EFNA5: variants seen among roughly 807,000 people sequenced by gnomAD.
EFNA5 encodes the protein ephrin A5.
EFNA5 carries 5 observed loss-of-function variants against 22.9 expected under a neutral mutation model. That is an observed-to-expected ratio of 0.22 (90% CI 0.11 to 0.46). The LOEUF (loss-of-function observed/expected upper bound fraction) is 0.46, where lower values mean the gene tolerates loss of function less well. Among genes scored for constraint, EFNA5 ranks in the 20% least tolerant of loss-of-function variants. EFNA5 has a pLI of 0.99. For synonymous variants in EFNA5, 113 were observed against 112.2 expected (o/e 1.01, Z -0.04); for missense variants, 237 against 293.3 (o/e 0.81, Z 1.40).
At chr5:107,428,201 TA>T (rs1748855146) in intron 1 of EFNA5, among the ~76,000 whole-genome samples, 1 of 152,208 alleles carries the variant, frequency 6.6e-6, no homozygotes, top group South Asian at 2.1e-4. Context: ...GTCAGAAACT[TA>T]TTTTAGTGCA....
intron 1 of EFNA5, among the ~76,000 whole-genome samples, chr5:107,592,357 T>C (rs1749388733): frequency 6.6e-6 from 1 of 151,892 alleles, no homozygotes; most frequent in Non-Finnish European, 1.5e-5. Context: ...TTTTGGTATA[T>C]AAATTTGACC....
chr5:107,417,203 A>G (rs1289390891), intron 2 of EFNA5, among the ~76,000 whole-genome samples: 1 of 152,230 alleles, frequency 6.6e-6, no homozygotes, highest in Non-Finnish European at 1.5e-5. Flanking sequence ...AGATAAAGCT[A>G]GTTGGAAATA....
chr5:107,654,009 T>C (rs1580583952), intron 1 of EFNA5, among the ~76,000 whole-genome samples: 2 of 152,146 alleles, frequency 1.3e-5, no homozygotes, highest in Non-Finnish European at 2.9e-5. Flanking sequence ...AATGAAGTTG[T>C]GATTACCAAA....
intron 2 of EFNA5, among the ~76,000 whole-genome samples, chr5:107,394,517 A>G (rs1747869414): frequency 6.6e-6 from 1 of 152,236 alleles, no homozygotes; most frequent in South Asian, 2.1e-4. Context: ...TTTTAACACC[A>G]GGGAACTGTA....
chr5:107,591,197 C>T (rs573369317), intron 1 of EFNA5, among the ~76,000 whole-genome samples: 6 of 152,274 alleles, frequency 3.9e-5, no homozygotes, highest in East Asian at 3.9e-4. Context: ...GTATCTTACA[C>T]GGCTGGCACA....
intron 1 of EFNA5, among the ~76,000 whole-genome samples, chr5:107,541,366 T>C (rs938263375): frequency 6.6e-6 from 1 of 152,216 alleles, no homozygotes; most frequent in Non-Finnish European, 1.5e-5. Context: ...TACTTTTAAC[T>C]CATTAGAATT....
intron 4 of EFNA5, among the ~76,000 whole-genome samples, chr5:107,381,748 G>A (rs991077487): frequency 6.6e-6 from 1 of 152,100 alleles, no homozygotes; most frequent in African/African-American, 2.4e-5. Flanking sequence ...TGACATGTTG[G>A]TGGGGGTGGG....
intron 1 of EFNA5, among the ~76,000 whole-genome samples, chr5:107,647,065 G>C (rs1185634656): frequency 6.6e-6 from 1 of 151,982 alleles, no homozygotes; most frequent in African/African-American, 2.4e-5. Flanking sequence ...TTCAAAAATA[G>C]CATCTCTGTG....
rs1020215585 is a variant in EFNA5 at position 107,582,264 on chromosome 5, A to G, written c.125+88225T>C. 2.0e-4 allele frequency among the ~76,000 whole-genome samples: 31 copies of G among 152,224 alleles called. 1 individual carries two copies. Among genetic ancestry groups the G allele is most frequent in the Admixed American group, 1.8e-3 (28 of 15,278 alleles). On this transcript the variant is annotated intron_variant, in intron 1 of 4. Coordinates refer to ENST00000333274, the MANE Select transcript of EFNA5 (RefSeq NM_001962.3). ...AGTACCAGACTGGAATATAACAGGT[A>G]CTCAAAAAATATGGGTAGAATGAAC...
chr5:107,627,685 A>G (rs1371786073), intron 1 of EFNA5, among the ~76,000 whole-genome samples: 1 of 151,866 alleles, frequency 6.6e-6, no homozygotes, highest in Non-Finnish European at 1.5e-5. Flanking sequence ...CATTGTCATA[A>G]GTCACTAATT....
chr5:107,396,629 T>C (rs1747934927), intron 2 of EFNA5, among the ~76,000 whole-genome samples: 2 of 151,948 alleles, frequency 1.3e-5, no homozygotes, highest in Admixed American at 6.5e-5. Context: ...AAAACAAGGG[T>C]AATTAAGTGT....
At chr5:107,600,276 G>A (rs1749564516) in intron 1 of EFNA5, among the ~76,000 whole-genome samples, 3 of 152,186 alleles carry the variant, frequency 2.0e-5, no homozygotes, top group African/African-American at 7.2e-5. Context: ...AAGCTGAAAT[G>A]TGGGCAACTG....
Position 107,381,309 on chromosome 5 carries a change from G to A in EFNA5, c.633C>T (p.Pro211=). The A allele has an allele frequency of 6.2e-7, 1 of 1,614,098 alleles. No homozygotes were observed. The highest frequency in any genetic ancestry group is 8.5e-7 in the Non-Finnish European group (1 of 1,179,960). The part of the protein sequence containing the change: ...GENAAQTPRI[P]SRLLAILLFL... The stretch of plus-strand genomic sequence containing the variant: ...ACAGTAGGATTGCCAAAAGGCGGCT[G>A]GGTATCCTTGGTGTTTGTGCCGCGT... Residue 211 remains proline (P), a synonymous_variant, in exon 5 of 5, where the codon CCC becomes CCT. Coordinates refer to ENST00000333274, the MANE Select transcript of EFNA5 (RefSeq NM_001962.3).
rs139047763 is a variant in EFNA5, at chr5:107,619,722, A to G, written c.125+50767T>C. Reference sequence around the variant, plus strand: ...TGTGATCCGCCCACCTCAGCCTCCCAAAGTGCTGGGATTACAGGCATGAGC... The same window carrying G: ...TGTGATCCGCCCACCTCAGCCTCCCGAAGTGCTGGGATTACAGGCATGAGC... On this transcript the variant is annotated intron_variant, in intron 1 of 4. Coordinates refer to ENST00000333274, the MANE Select transcript of EFNA5 (RefSeq NM_001962.3). Among the ~76,000 whole-genome samples, 1,104 of 152,166 alleles carry G rather than the reference A, an allele frequency of 7.3e-3. 14 individuals carry two copies. Among genetic ancestry groups the G allele is most frequent in the African/African-American group, 0.025 (1,020 of 41,502 alleles).
At chr5:107,424,703 C>T (rs1216117486) in intron 2 of EFNA5, among the ~76,000 whole-genome samples, 5 of 152,096 alleles carry the variant, frequency 3.3e-5, no homozygotes, top group Non-Finnish European at 7.4e-5. Context: ...TCATCTTGTT[C>T]ATTCCACACA....
intron 1 of EFNA5, among the ~76,000 whole-genome samples, chr5:107,448,372 C>T (rs993919760): frequency 2.0e-5 from 3 of 152,186 alleles, no homozygotes; most frequent in African/African-American, 7.2e-5. Context: ...ATGCTAGATA[C>T]TGGCACTGTG....
intron 2 of EFNA5, among the ~76,000 whole-genome samples, chr5:107,393,353 C>T (rs1169635047): frequency 6.6e-6 from 1 of 152,134 alleles, no homozygotes; most frequent in African/African-American, 2.4e-5. Context: ...CATGAAGAAC[C>T]AAAGTTTTAG....
chr5:107,553,389 C>A (rs780064120), intron 1 of EFNA5, among the ~76,000 whole-genome samples: 1 of 152,188 alleles, frequency 6.6e-6, no homozygotes, highest in Non-Finnish European at 1.5e-5. Context: ...ACTCCACCAC[C>A]GCCCCACCAT....
At chr5:107,472,833 T>G (rs1470949493) in intron 1 of EFNA5, among the ~76,000 whole-genome samples, 1 of 152,246 alleles carries the variant, frequency 6.6e-6, no homozygotes, top group Non-Finnish European at 1.5e-5. Flanking sequence ...TAACGTGAGC[T>G]GGCTCAGTCA....
Sources: gnomAD v4.1 joint callset for allele counts (sites outside exome capture counted in the v4.1 genomes callset) on GRCh38, gnomAD v4.1.1 for gene constraint, MANE v1.5 for transcripts, NCBI Gene and HGNC (gene_info 2026-07-23, HGNC 2026-07-21) for gene names.